SPOCK3: variants seen among roughly 807,000 people sequenced by gnomAD.
SPOCK3 encodes SPARC (osteonectin), cwcv and kazal like domains proteoglycan 3.
A neutral mutation model predicts 56.6 loss-of-function variants in SPOCK3; 30 were observed. The ratio of observed to expected loss-of-function variants is 0.53; its 90% CI spans 0.40 to 0.72. The LOEUF (loss-of-function observed/expected upper bound fraction) is 0.72. Among genes scored for constraint, SPOCK3 ranks in the 30% least tolerant of loss-of-function variants. The pLI is 0.00. For missense variants in SPOCK3, 527 were observed against 530.0 expected (o/e 0.99, Z 0.06); for synonymous variants, 196 against 183.3 (o/e 1.07, Z -0.56).
chr4:167,160,105 C>A (rs1765159415), intron 2 of SPOCK3, among the ~76,000 whole-genome samples: 1 of 152,114 alleles, frequency 6.6e-6, no homozygotes, highest in Non-Finnish European at 1.5e-5. Flanking sequence ...CAAATTGTCC[C>A]TGTTTGCAGA....
chr4:167,157,008 T>C (rs1764873566), intron 2 of SPOCK3, among the ~76,000 whole-genome samples: 1 of 152,128 alleles, frequency 6.6e-6, no homozygotes, highest in Non-Finnish European at 1.5e-5. Context: ...ATCTCTTGCA[T>C]TAAGTTTTAC....
intron 4 of SPOCK3, among the ~76,000 whole-genome samples, chr4:166,962,912 A>G (rs891412613): frequency 1.3e-5 from 2 of 152,138 alleles, no homozygotes; most frequent in African/African-American, 4.8e-5. Flanking sequence ...GAGAATGTCA[A>G]CATGCAAAGA....
chr4:166,957,669 T>C (rs1196845478), intron 4 of SPOCK3, among the ~76,000 whole-genome samples: 1 of 152,194 alleles, frequency 6.6e-6, no homozygotes, highest in African/African-American at 2.4e-5. Flanking sequence ...TCAGTGTGCA[T>C]TGGATGTTGG....
rs1561223767 is a variant in SPOCK3 at position 167,108,995 on chromosome 4, T to TATATATATAAATATATACTTATATATAA, written c.190-46459_190-46458insTTATATATAAGTATATATTTATATATAT. ...TATAAATATTATAAATATATATTTATATATATATAAATATATACTTATATA... is the reference window on the plus strand; with the variant it reads ...TATAAATATTATAAATATATATTTATATATATATAAATATATACTTATATATAAATATATATAAATATATACTTATATA... On this transcript the variant is annotated intron_variant, in intron 2 of 10. Transcript: ENST00000357545. Among the ~76,000 whole-genome samples, 70 of 13,436 alleles carry TATATATATAAATATATACTTATATATAA rather than the reference T, an allele frequency of 5.2e-3. 27 individuals carry two copies. Among genetic ancestry groups the TATATATATAAATATATACTTATATATAA allele is most frequent in the African/African-American group, 0.029 (59 of 2,032 alleles). The allele number at this position is 13,436 out of a possible 152,430, so 8.8% of individuals were successfully genotyped here.
At chr4:166,768,172 C>A (rs1738390555) in intron 7 of SPOCK3, among the ~76,000 whole-genome samples, 1 of 152,154 alleles carries the variant, frequency 6.6e-6, no homozygotes, top group Non-Finnish European at 1.5e-5. Flanking sequence ...TTAATTCGAG[C>A]ATTTAGCCCA....
At chr4:166,934,221 T>C (rs887714305) in intron 4 of SPOCK3, among the ~76,000 whole-genome samples, 2 of 151,850 alleles carry the variant, frequency 1.3e-5, no homozygotes, top group African/African-American at 4.8e-5. Flanking sequence ...CCGGGCGCAG[T>C]GGCTCACACC....
At chr4:167,036,912 C>T (rs908448589) in intron 3 of SPOCK3, among the ~76,000 whole-genome samples, 3 of 151,966 alleles carry the variant, frequency 2.0e-5, no homozygotes, top group Non-Finnish European at 4.4e-5. Flanking sequence ...ATTTTACTCT[C>T]GAGACCACAT....
intron 7 of SPOCK3, among the ~76,000 whole-genome samples, chr4:166,771,741 A>C (rs11946234): frequency 0.46 from 69,435 of 151,830 alleles, 16,412 homozygotes; most frequent in African/African-American, 0.51. Context: ...ATAGAGTGAG[A>C]AAAATTATTG....
At chr4:167,076,817 G>A (rs1214713980) in intron 2 of SPOCK3, among the ~76,000 whole-genome samples, 3 of 151,776 alleles carry the variant, frequency 2.0e-5, no homozygotes, top group Non-Finnish European at 4.4e-5. Context: ...TAAAAAAGAT[G>A]TGATTTGAGC....
At chr4:167,059,891 C>G (rs1031202822) in intron 3 of SPOCK3, among the ~76,000 whole-genome samples, 8 of 151,862 alleles carry the variant, frequency 5.3e-5, no homozygotes, top group Non-Finnish European at 1.0e-4. Flanking sequence ...TCTCAGTAAA[C>G]TATCGCAAGA....
chr4:167,003,575 C>T (rs1351322442), intron 3 of SPOCK3, among the ~76,000 whole-genome samples: 1 of 152,196 alleles, frequency 6.6e-6, no homozygotes. Flanking sequence ...CATCATCTCC[C>T]TCTGTTGTGT....
At chr4:167,000,152 T>G (rs1467817752) in intron 4 of SPOCK3, among the ~76,000 whole-genome samples, 197 bp downstream of exon 4, 1 of 152,142 alleles carries the variant, frequency 6.6e-6, no homozygotes, top group Non-Finnish European at 1.5e-5. Flanking sequence ...TGCCTCAAAT[T>G]CTATAATCTG....
rs185384117 is a variant in SPOCK3 at position 166,772,159 on chromosome 4, T to C, written c.710-17430A>G. ...TATAAGGAAAGTTAAACATAAACAG[T>C]AATGATTTATTATTGATCCTTACTT... On this transcript the variant is annotated intron_variant, in intron 7 of 10. Coordinates refer to ENST00000357545, the MANE Select transcript of SPOCK3 (RefSeq NM_001040159.2). Among the ~76,000 whole-genome samples the C allele has an allele frequency of 2.1e-4, 32 of 152,240 alleles. No homozygotes were observed. The East Asian group carries it at 5.2e-3, about 25-fold the overall frequency.
At chr4:166,814,077 T>G (rs2126735190) in intron 6 of SPOCK3, among the ~76,000 whole-genome samples, 1 of 152,222 alleles carries the variant, frequency 6.6e-6, no homozygotes, top group East Asian at 1.9e-4. Context: ...ATTGATAACT[T>G]TCTGCTTTAG....
chr4:166,985,543 T>A (rs1247597819), intron 4 of SPOCK3, among the ~76,000 whole-genome samples: 1 of 152,182 alleles, frequency 6.6e-6, no homozygotes, highest in Non-Finnish European at 1.5e-5. Context: ...TTGTCCTCAA[T>A]GTTAGAATTT....
At chr4:166,866,311 C>G (rs34426263) in intron 6 of SPOCK3, among the ~76,000 whole-genome samples, 6 of 152,108 alleles carry the variant, frequency 3.9e-5, no homozygotes, top group Non-Finnish European at 7.4e-5. Context: ...AGTGTAAAAC[C>G]TAAAACCATA....
intron 4 of SPOCK3, among the ~76,000 whole-genome samples, chr4:166,965,922 A>G (rs1197200382): frequency 6.6e-6 from 1 of 152,110 alleles, no homozygotes; most frequent in Admixed American, 6.6e-5. Context: ...GGGTAAATGT[A>G]TAATGACATG....
At chr4:166,917,137 T>G (rs1241263196) in intron 4 of SPOCK3, among the ~76,000 whole-genome samples, 1 of 152,148 alleles carries the variant, frequency 6.6e-6, no homozygotes, top group African/African-American at 2.4e-5. Context: ...CCATGAAAGC[T>G]ATCTACAAAT....
chr4:166,797,440 T>C (rs569764273), intron 6 of SPOCK3, among the ~76,000 whole-genome samples: 3 of 152,006 alleles, frequency 2.0e-5, no homozygotes, highest in African/African-American at 4.8e-5. Flanking sequence ...AGAACTCTTT[T>C]GGCTTTTTAT....
Sources: allele counts gnomAD v4.1 joint callset (sites outside exome capture counted in the v4.1 genomes callset), GRCh38; gene constraint gnomAD v4.1.1; transcripts MANE v1.5; gene names NCBI Gene and HGNC (gene_info 2026-07-23, HGNC 2026-07-21).